The following RGS17 variants were observed in gnomAD, a reference collection of about 807,000 sequenced individuals.
The protein encoded by RGS17 is regulator of G-protein signaling 17.
RGS17 carries 12 observed loss-of-function variants against 25.5 expected under a neutral mutation model. That is an observed-to-expected ratio of 0.47 (90% CI 0.30 to 0.76). The LOEUF (loss-of-function observed/expected upper bound fraction) is 0.76. Ranked by LOEUF, RGS17 falls within the 30% of genes least tolerant of loss-of-function variation. The pLI is 0.07. For missense variants in RGS17, 196 were observed against 242.2 expected, an observed-to-expected ratio of 0.81 and a Z score of 1.27; for synonymous variants, 71 against 76.9, an observed-to-expected ratio of 0.92 and a Z score of 0.40.
intron 1 of RGS17, among the ~76,000 whole-genome samples, chr6:153,127,043 A>C (rs536664532): frequency 2.0e-5 from 3 of 152,298 alleles, no homozygotes; most frequent in African/African-American, 7.2e-5. Flanking sequence ...TCTGGAATGA[A>C]ACTGTTCCAC....
intron 1 of RGS17, among the ~76,000 whole-genome samples, chr6:153,072,525 C>T (rs951911749): frequency 6.6e-6 from 1 of 152,184 alleles, no homozygotes; most frequent in South Asian, 2.1e-4. Context: ...CACTTCGTTA[C>T]TGGATGTCCA....
intron 1 of RGS17, among the ~76,000 whole-genome samples, chr6:153,112,340 T>C (rs1777483497): frequency 6.6e-6 from 1 of 152,098 alleles, no homozygotes; most frequent in African/African-American, 2.4e-5. Context: ...GAAGATCAAC[T>C]TAATGAAATA....
chr6:153,060,284 T>C (rs1024746413), intron 1 of RGS17, among the ~76,000 whole-genome samples: 36 of 152,328 alleles, frequency 2.4e-4, no homozygotes, highest in African/African-American at 8.7e-4. Flanking sequence ...CATAGTACTG[T>C]GCACCTGCCA....
rs191068856 is a variant in RGS17, at chr6:153,116,345, G to A, written c.-26+14779C>T. ...AAAAGCTCATCATCACTGGTCATTA[G>A]AGAAATGCAAATCAAAACCACAAGG... is the stretch of plus-strand genomic sequence containing the variant. On this transcript the variant is annotated intron_variant, in intron 1 of 4. Transcript: ENST00000206262. Among the ~76,000 whole-genome samples, 14 of 152,322 alleles carry A rather than the reference G, an allele frequency of 9.2e-5. 1 individual carries two copies. Among genetic ancestry groups the A allele is most frequent in the Admixed American group, 8.5e-4 (13 of 15,294 alleles).
At chr6:153,111,630 C>T (rs1488366033) in intron 1 of RGS17, among the ~76,000 whole-genome samples, 2 of 152,226 alleles carry the variant, frequency 1.3e-5, no homozygotes, top group Non-Finnish European at 2.9e-5. Context: ...TCCCTGACCC[C>T]CATGCCTCCT....
At chr6:153,121,144 G>C (rs976115004) in intron 1 of RGS17, among the ~76,000 whole-genome samples, 2 of 151,876 alleles carry the variant, frequency 1.3e-5, no homozygotes, top group African/African-American at 4.8e-5. Flanking sequence ...AAAGGAGGCA[G>C]AAAACAGAAG....
At chr6:153,099,374 T>C (rs563686350) in intron 1 of RGS17, among the ~76,000 whole-genome samples, 111 of 152,354 alleles carry the variant, frequency 7.3e-4, no homozygotes, top group Admixed American at 1.5e-3. Context: ...GGAGAATATT[T>C]GGGCTAAATT....
rs181624310 is a variant in RGS17 at position 153,119,747 on chromosome 6, G to A, written c.-26+11377C>T. 3.0e-4 allele frequency among the ~76,000 whole-genome samples: 45 copies of A among 152,314 alleles called. No individual in the cohort carries two copies. The East Asian group carries it at 7.7e-3, about 26-fold the overall frequency. Reference sequence around the variant, plus strand: ...GGATGGCAACATCTTTGTGATACATGTCCGCTGATTCTAATGCTATTCCTA... The same window carrying A: ...GGATGGCAACATCTTTGTGATACATATCCGCTGATTCTAATGCTATTCCTA... On this transcript the variant is annotated intron_variant, in intron 1 of 4. Coordinates refer to ENST00000206262, the MANE Select transcript of RGS17 (RefSeq NM_012419.5).
At position 153,102,523 on chromosome 6, in the gene RGS17, G is replaced by A. The variant is rs560489973; in HGVS notation, c.-26+28601C>T. Among the ~76,000 whole-genome samples, 28 of 152,240 alleles carry A rather than the reference G, an allele frequency of 1.8e-4. No individual in the cohort carries two copies. In the South Asian group the frequency reaches 5.8e-3, roughly 32 times the overall value. On this transcript the variant is annotated intron_variant, in intron 1 of 4. Coordinates refer to ENST00000206262, the MANE Select transcript of RGS17 (RefSeq NM_012419.5). Reference sequence around the variant, plus strand: ...CCACTCAAATCTCATCTCGTGTTGAGGGAGGGACCTGGTGAGAGGTGATTG... The same window carrying A: ...CCACTCAAATCTCATCTCGTGTTGAAGGAGGGACCTGGTGAGAGGTGATTG...
intron 2 of RGS17, among the ~76,000 whole-genome samples, chr6:153,041,614 C>T (rs1220105501): frequency 6.6e-6 from 1 of 152,132 alleles, no homozygotes; most frequent in African/African-American, 2.4e-5. Context: ...GTGTTTTAAT[C>T]CCAAAGCAAT....
At position 153,090,664 on chromosome 6, in the gene RGS17, C is replaced by A. The variant is rs568475451; in HGVS notation, c.-26+40460G>T. On this transcript the variant is annotated intron_variant, in intron 1 of 4. Transcript: ENST00000206262. ...AAGAAAATTGCAGAAATAAACAATG[C>A]ATAAGATTGAAATTGTGCACTGTTC... is the stretch of plus-strand genomic sequence containing the variant. Among the ~76,000 whole-genome samples, 43 of 152,074 alleles carry A rather than the reference C, an allele frequency of 2.8e-4. No individual in the cohort carries two copies. In the South Asian group the frequency reaches 8.5e-3, roughly 30 times the overall value.
At chr6:153,021,455 G>A (rs1038537198) in intron 4 of RGS17, among the ~76,000 whole-genome samples, 1 of 152,208 alleles carries the variant, frequency 6.6e-6, no homozygotes, top group Non-Finnish European at 1.5e-5. Context: ...CATGCCATGC[G>A]CTGAGTATAT....
Position 153,011,815 on chromosome 6 carries a change from CAATT to C in RGS17, c.445-57_445-54del, listed in dbSNP as rs1427906389. On this transcript the variant is annotated intron_variant, in intron 4 of 4. Transcript: ENST00000206262. Reference sequence around the variant, plus strand: ...AAATAATATTTTTTTCAAAAGACCTCAATTAAGTAACTGTAGGTTTGTGACATTT... The same window carrying C: ...AAATAATATTTTTTTCAAAAGACCTCAAGTAACTGTAGGTTTGTGACATTT... 1.8e-5 allele frequency: 23 copies of C among 1,299,934 alleles called. No individual in the cohort carries two copies. In the African/African-American group the frequency reaches 3.1e-4, roughly 18 times the overall value. The allele number at this position is 1,299,934 out of a possible 1,614,324, so 80.5% of individuals were successfully genotyped here.
At chr6:153,035,295 T>A (rs1776225141) in intron 2 of RGS17, among the ~76,000 whole-genome samples, 1 of 152,226 alleles carries the variant, frequency 6.6e-6, no homozygotes, top group Non-Finnish European at 1.5e-5. Flanking sequence ...ATGGACTTTA[T>A]AGCATTTATA....
chr6:153,016,037 C>G (rs1329580578), intron 4 of RGS17, among the ~76,000 whole-genome samples: 1 of 152,138 alleles, frequency 6.6e-6, no homozygotes, highest in Non-Finnish European at 1.5e-5. Context: ...TTGTCTGTAA[C>G]TGAACCTGCA....
rs79815511 is a variant in RGS17, at chr6:153,081,206, A to G, written c.-25-37163T>C. ...TTCGGAAAGGAATGTTAAAATCTCC[A>G]ATTATTATTGTCAATTTTTCTGTTT... On this transcript the variant is annotated intron_variant, in intron 1 of 4. Coordinates refer to ENST00000206262, the MANE Select transcript of RGS17 (RefSeq NM_012419.5). 2.4e-3 allele frequency among the ~76,000 whole-genome samples: 367 copies of G among 152,150 alleles called. 16 individuals carry two copies. The East Asian group carries it at 0.057, about 24-fold the overall frequency.
intron 1 of RGS17, among the ~76,000 whole-genome samples, chr6:153,045,308 T>C (rs1203541923): frequency 6.6e-6 from 1 of 151,908 alleles, no homozygotes; most frequent in Non-Finnish European, 1.5e-5. Context: ...GGAGTGGGAG[T>C]CTGATTCCAG....
At chr6:153,056,087 T>C (rs1269660774) in intron 1 of RGS17, among the ~76,000 whole-genome samples, 1 of 152,190 alleles carries the variant, frequency 6.6e-6, no homozygotes, top group Admixed American at 6.5e-5. Context: ...GATGTTAAAA[T>C]AGTCAATGGC....
At chr6:153,052,839 C>T (rs1346059685) in intron 1 of RGS17, among the ~76,000 whole-genome samples, 3 of 152,006 alleles carry the variant, frequency 2.0e-5, no homozygotes, top group Admixed American at 6.5e-5. Flanking sequence ...AGAGGTGGGG[C>T]CTATGGACGG....
Sources: gnomAD v4.1 joint callset for allele counts (sites outside exome capture counted in the v4.1 genomes callset) on GRCh38, gnomAD v4.1.1 for gene constraint, MANE v1.5 for transcripts, NCBI Gene and HGNC (gene_info 2026-07-23, HGNC 2026-07-21) for gene names.